MANBA: variants seen among roughly 807,000 people sequenced by gnomAD.
MANBA encodes mannosidase beta.
Under a neutral mutation model 111.1 loss-of-function variants are expected in MANBA, and 83 were observed. The observed-to-expected ratio is 0.75, with a 90% CI of 0.63 to 0.90. The LOEUF (loss-of-function observed/expected upper bound fraction) is 0.90, where lower values mean the gene tolerates loss of function less well. MANBA is among the 40% of genes least tolerant of loss of function. The pLI is 0.00. For synonymous variants in MANBA, 370 were observed against 378.7 expected (o/e 0.98, Z 0.27); for missense variants, 1,036 against 1,069.0 (o/e 0.97, Z 0.43).
At chr4:102,742,760 A>G (rs1723451265) in intron 1 of MANBA, among the ~76,000 whole-genome samples, 1 of 152,222 alleles carries the variant, frequency 6.6e-6, no homozygotes. Flanking sequence ...ACCCATATCC[A>G]GAGTAAGTGT....
At chr4:102,760,676 A>T (rs1318397314) in intron 1 of MANBA, 42 bp downstream of exon 1, 7 of 1,500,056 alleles carry the variant, frequency 4.7e-6, no homozygotes, top group Non-Finnish European at 5.4e-6. Flanking sequence ...GCACCAGAAG[A>T]AGGCGGGCGC....
intron 1 of MANBA, among the ~76,000 whole-genome samples, chr4:102,735,391 T>A (rs1723179544): frequency 6.6e-6 from 1 of 151,410 alleles, no homozygotes; most frequent in African/African-American, 2.4e-5. Context: ...CCCCATTCCT[T>A]CAATTCTTTC....
intron 2 of MANBA, among the ~76,000 whole-genome samples, chr4:102,724,306 C>G (rs1469759985): frequency 2.0e-5 from 3 of 152,062 alleles, no homozygotes; most frequent in Non-Finnish European, 4.4e-5. Flanking sequence ...GCCTGTAATC[C>G]CAGCACTTTG....
chr4:102,722,359 A>G (rs1222229788), intron 4 of MANBA: 1 of 165,386 alleles, frequency 6.0e-6, no homozygotes, highest in Non-Finnish European at 1.3e-5. Flanking sequence ...TGATTCAATC[A>G]TGTAGTAAAA....
chr4:102,671,222 G>T, intron 9 of MANBA, 59 bp downstream of exon 9: 1 of 1,041,976 alleles, frequency 9.6e-7, no homozygotes, highest in Non-Finnish European at 1.5e-6. Flanking sequence ...TCAGAACATT[G>T]GCAGTCAAAC....
At chr4:102,697,576 C>T (rs1388434817) in intron 5 of MANBA, among the ~76,000 whole-genome samples, 5 of 139,672 alleles carry the variant, frequency 3.6e-5, no homozygotes, top group Non-Finnish European at 6.1e-5. Flanking sequence ...TCTCATTGTT[C>T]AATTCCCACC....
At position 102,653,061 on chromosome 4, in the gene MANBA, G is replaced by A. The variant is rs369764073; in HGVS notation, c.1705-2360C>T. ...AACCCAGAAGGATCTGAAGAAAATC[G>A]AACTGTCATACAAATCATATGGTTA... On this transcript the variant is annotated intron_variant, in intron 12 of 16. Transcript: ENST00000647097. Among the ~76,000 whole-genome samples, 12 of 152,218 alleles carry A rather than the reference G, an allele frequency of 7.9e-5. No individual in the cohort carries two copies. The East Asian group carries it at 1.5e-3, about 20-fold the overall frequency.
At chr4:102,633,123 G>A (rs1407922823) in intron 16 of MANBA, 1 of 396,820 alleles carries the variant, frequency 2.5e-6, no homozygotes, top group Non-Finnish European at 4.4e-6. Flanking sequence ...ATCATTCAGG[G>A]TTCTGAGTTA....
intron 4 of MANBA, chr4:102,722,623 T>C: frequency 2.0e-6 from 1 of 489,708 alleles, no homozygotes; most frequent in Non-Finnish European, 3.7e-6. Flanking sequence ...GCCACATATT[T>C]TTCCTTTCTT....
chr4:102,685,935 CT>C (rs1297467150), intron 7 of MANBA, among the ~76,000 whole-genome samples: 8 of 151,990 alleles, frequency 5.3e-5, no homozygotes, highest in African/African-American at 1.7e-4. Flanking sequence ...AGACTGAAGA[CT>C]GAAGACTGAA....
intron 4 of MANBA, among the ~76,000 whole-genome samples, chr4:102,718,802 T>A (rs1223375703): frequency 6.6e-6 from 1 of 152,180 alleles, no homozygotes; most frequent in Non-Finnish European, 1.5e-5. Context: ...CAGCTGGGCC[T>A]CTGGGGATGA....
At chr4:102,656,569 C>A (rs1214533670) in intron 12 of MANBA, among the ~76,000 whole-genome samples, 1 of 152,168 alleles carries the variant, frequency 6.6e-6, no homozygotes, top group Non-Finnish European at 1.5e-5. Flanking sequence ...AGCAATTCCA[C>A]TCCTAGATAT....
intron 5 of MANBA, among the ~76,000 whole-genome samples, chr4:102,696,493 T>C (rs545972040): frequency 9.8e-4 from 150 of 152,342 alleles, no homozygotes; most frequent in South Asian, 4.1e-3. Flanking sequence ...ATGTTGTCTC[T>C]AACTCTCTGA....
Position 102,688,468 on chromosome 4 carries a change from A to G in MANBA, c.960+1106T>C, listed in dbSNP as rs557815131. 1.2e-4 allele frequency among the ~76,000 whole-genome samples: 18 copies of G among 152,214 alleles called. 1 individual carries two copies. In the South Asian group the frequency reaches 3.5e-3, roughly 30 times the overall value. On this transcript the variant is annotated intron_variant, in intron 7 of 16. Transcript: ENST00000647097. The stretch of plus-strand genomic sequence containing the variant: ...GCATGATTGAACAAAAGAAAAACAG[A>G]AAATGCACTCCTGAAGGACATATCT...
chr4:102,692,625 G>A (rs927980058), intron 5 of MANBA, among the ~76,000 whole-genome samples: 1 of 152,068 alleles, frequency 6.6e-6, no homozygotes, highest in African/African-American at 2.4e-5. Context: ...CAGGGGGTTA[G>A]AGTCAGCAAA....
chr4:102,753,768 T>A (rs1329617592), intron 1 of MANBA: 1 of 159,986 alleles, frequency 6.3e-6, no homozygotes, highest in African/African-American at 2.4e-5. Flanking sequence ...TGAAAATATA[T>A]AACAAAGGGG....
At chr4:102,707,827 T>C (rs1733371620) in intron 5 of MANBA, among the ~76,000 whole-genome samples, 1 of 151,950 alleles carries the variant, frequency 6.6e-6, no homozygotes, top group Non-Finnish European at 1.5e-5. Context: ...ATATATTCCA[T>C]GCAAATGGAA....
intron 9 of MANBA, chr4:102,670,971 T>C (rs1475823375): frequency 5.2e-6 from 1 of 192,390 alleles, no homozygotes; most frequent in African/African-American, 2.4e-5. Flanking sequence ...TCAGATCTCC[T>C]TTAAGTGTTT....
chr4:102,633,379 GATGCTGGTGTCATGCTT>G, intron 16 of MANBA: 1 of 398,704 alleles, frequency 2.5e-6, no homozygotes, highest in Non-Finnish European at 4.4e-6. Context: ...GGCCGAAAGA[GATGCTGGTGTCATGCTT>G]ATGCTGGTTA....
Sources: allele counts gnomAD v4.1 joint callset (sites outside exome capture counted in the v4.1 genomes callset), GRCh38; gene constraint gnomAD v4.1.1; transcripts MANE v1.5; gene names NCBI Gene and HGNC (gene_info 2026-07-23, HGNC 2026-07-21).